The following TENM2 variants were observed in gnomAD, a reference collection of about 807,000 sequenced individuals.
TENM2 encodes the protein teneurin transmembrane protein 2, also known as teneurin-2.
Under a neutral mutation model 245.2 loss-of-function variants are expected in TENM2, and 52 were observed. That is an observed-to-expected ratio of 0.21 (90% CI 0.17 to 0.27). The LOEUF is 0.27. Ranked by LOEUF, TENM2 falls within the 10% of genes least tolerant of loss-of-function variation. The pLI, the probability that TENM2 is intolerant of heterozygous loss-of-function variation, is 1.00. For synonymous variants in TENM2, 1,363 were observed against 1,438.9 expected, an observed-to-expected ratio of 0.95 and a Z score of 1.19; for missense variants, 3,046 against 3,666.8, an observed-to-expected ratio of 0.83 and a Z score of 4.37.
intron 1 of TENM2, among the ~76,000 whole-genome samples, chr5:167,335,110 A>G (rs947281238): frequency 6.6e-6 from 1 of 152,244 alleles, no homozygotes; most frequent in Non-Finnish European, 1.5e-5. Context: ...ATGGTTCTGT[A>G]GGCTGTACAG....
chr5:166,987,027 A>AGAT, the TENM2 span, among the ~76,000 whole-genome samples: 1 of 152,230 alleles, frequency 6.6e-6, no homozygotes, highest in African/African-American at 2.4e-5. Context: ...AACAGTAAAT[A>AGAT]GATAGAGAGC....
At chr5:167,213,822 C>A in the TENM2 span, among the ~76,000 whole-genome samples, 1 of 152,152 alleles carries the variant, frequency 6.6e-6, no homozygotes. Flanking sequence ...CCTTTAATTG[C>A]ATGAGTTTTG....
At chr5:168,240,874 T>C (rs1224003893) in intron 25 of TENM2, 3 of 152,196 alleles carry the variant, frequency 2.0e-5, no homozygotes, top group Non-Finnish European at 2.9e-5. Context: ...TAACAAAATG[T>C]TGGAGAGGTC....
At chr5:167,806,766 G>C (rs1766207696) in intron 2 of TENM2, among the ~76,000 whole-genome samples, 1 of 151,936 alleles carries the variant, frequency 6.6e-6, no homozygotes, top group Non-Finnish European at 1.5e-5. Context: ...GGTTTCTTAG[G>C]GTGAAAGAAT....
At chr5:168,235,663 C>T (rs1006950130) in intron 25 of TENM2, among the ~76,000 whole-genome samples, 1 of 152,060 alleles carries the variant, frequency 6.6e-6, no homozygotes, top group African/African-American at 2.4e-5. Context: ...AAAAATTAGC[C>T]AGGTGTGGTG....
chr5:167,399,582 G>T (rs1762254464), intron 2 of TENM2, among the ~76,000 whole-genome samples: 1 of 152,150 alleles, frequency 6.6e-6, no homozygotes, highest in Non-Finnish European at 1.5e-5. Context: ...CAATAATTAA[G>T]CACATTTCTT....
At chr5:167,548,567 A>ACG (rs1772723540) in intron 2 of TENM2, among the ~76,000 whole-genome samples, 1 of 142,758 alleles carries the variant, frequency 7.0e-6, no homozygotes, top group African/African-American at 2.6e-5. Flanking sequence ...ACACACACGC[A>ACG]CACATACACT....
chr5:168,090,798 C>T, intron 8 of TENM2, 29 bp downstream of exon 10: 1 of 1,574,520 alleles, frequency 6.4e-7, no homozygotes, highest in Non-Finnish European at 8.7e-7. Flanking sequence ...AGATGGTACG[C>T]CATGAAGGGA....
At chr5:167,886,585 A>G (rs1774307799) in intron 3 of TENM2, among the ~76,000 whole-genome samples, 1 of 152,242 alleles carries the variant, frequency 6.6e-6, no homozygotes, top group Non-Finnish European at 1.5e-5. Flanking sequence ...AACTGGAGAT[A>G]AATACCAAAA....
chr5:167,227,555 T>C, the TENM2 span, among the ~76,000 whole-genome samples: 1 of 152,204 alleles, frequency 6.6e-6, no homozygotes, highest in Non-Finnish European at 1.5e-5. Context: ...GTAAATTTTT[T>C]TTCTCTCAGC....
chr5:167,894,969 GGAAGGAAGGAAGGAAGGAA>G (rs1561906686), intron 3 of TENM2, among the ~76,000 whole-genome samples: 2 of 133,142 alleles, frequency 1.5e-5, no homozygotes, highest in African/African-American at 5.4e-5. Context: ...AAGGAAGGAA[GGAAGGAAGGAAGGAAGGAA>G]GGAGGGAAGG....
At chr5:167,196,839 C>T in the TENM2 span, among the ~76,000 whole-genome samples, 1 of 151,780 alleles carries the variant, frequency 6.6e-6, no homozygotes, top group Non-Finnish European at 1.5e-5. Flanking sequence ...CATGCAAATA[C>T]CATGCAATTT....
chr5:167,368,434 C>T (rs1747077230), intron 1 of TENM2, among the ~76,000 whole-genome samples: 1 of 151,542 alleles, frequency 6.6e-6, no homozygotes, highest in Non-Finnish European at 1.5e-5. Flanking sequence ...ATTTTTTTTC[C>T]AAAAAATACT....
At chr5:167,268,836 G>A in the TENM2 span, among the ~76,000 whole-genome samples, 51 of 151,676 alleles carry the variant, frequency 3.4e-4, no homozygotes, top group Admixed American at 2.7e-3. Flanking sequence ...CTGACATATA[G>A]CATTGCTAGG....
chr5:167,328,362 A>C (rs1309297043), intron 1 of TENM2, among the ~76,000 whole-genome samples: 1 of 151,972 alleles, frequency 6.6e-6, no homozygotes. Context: ...ACGCACCACC[A>C]TGCCCAGCTA....
intron 4 of TENM2, among the ~76,000 whole-genome samples, chr5:167,983,600 A>G (rs561634012): frequency 6.6e-6 from 1 of 152,330 alleles, no homozygotes; most frequent in Admixed American, 6.5e-5. Context: ...AACGGGCTTG[A>G]GTCGAAGCTT....
At chr5:167,459,696 A>T (rs1766159185) in intron 2 of TENM2, among the ~76,000 whole-genome samples, 1 of 152,114 alleles carries the variant, frequency 6.6e-6, no homozygotes, top group South Asian at 2.1e-4. Context: ...TTTATTTAAA[A>T]TTTTCTTTAA....
At chr5:168,010,121 C>T (rs180788992) in intron 5 of TENM2, among the ~76,000 whole-genome samples, 245 of 152,232 alleles carry the variant, frequency 1.6e-3, no homozygotes, top group African/African-American at 5.5e-3. Context: ...AGTGCATTCC[C>T]GACAAGTCTA....
At chr5:168,124,691 G>A (rs898623748) in intron 10 of TENM2, among the ~76,000 whole-genome samples, 159 bp from the exon 13 acceptor site, 1 of 152,142 alleles carries the variant, frequency 6.6e-6, no homozygotes, top group Admixed American at 6.5e-5. Context: ...GTGTCTTCAG[G>A]TGACCACATA....
Sources: allele counts gnomAD v4.1 joint callset (sites outside exome capture counted in the v4.1 genomes callset), GRCh38; gene constraint gnomAD v4.1.1; transcripts MANE v1.5; gene names NCBI Gene and HGNC (gene_info 2026-07-23, HGNC 2026-07-21).